Variants in NOD2 observed in about 807,000 individuals in gnomAD.
The protein encoded by NOD2 is nucleotide-binding oligomerization domain-containing protein 2.
A neutral mutation model predicts 90.9 loss-of-function variants in NOD2; 86 were observed. The ratio of observed to expected loss-of-function variants is 0.95; its 90% CI spans 0.79 to 1.13. The LOEUF (loss-of-function observed/expected upper bound fraction) is 1.13, where lower values mean the gene tolerates loss of function less well. NOD2 is among the 50% of genes most tolerant of loss of function. The pLI is 0.00. For missense variants in NOD2, 1,238 were observed against 1,283.8 expected, an observed-to-expected ratio of 0.96 and a Z score of 0.55; for synonymous variants, 581 against 554.6, an observed-to-expected ratio of 1.05 and a Z score of -0.67.
rs780204985 is a variant in NOD2, at chr16:50,699,574, G to C, written c.79G>C (p.Glu27Gln). The C allele has an allele frequency of 1.2e-6, 2 of 1,614,028 alleles. No individual in the cohort carries two copies. The highest frequency in any genetic ancestry group is 1.7e-6 in the Non-Finnish European group (2 of 1,179,970). ...LLVSGSLEGFESVLDWLLSWE... is the reference protein window; with the variant it reads ...LLVSGSLEGFQSVLDWLLSWE... ...GGTCTCAGGGTCCCTGGAAGGCTTC[G>C]AGAGTGTCCTGGACTGGCTGCTGTC... is the stretch of plus-strand genomic sequence containing the variant. The change falls in exon 2 of 12, where the codon GAG (glutamate) becomes CAG (glutamine). Residue 27 changes from glutamate to glutamine, a missense_variant. Transcript: ENST00000647318.
In NOD2 at chr16:50,700,962, A is replaced by G. The variant is rs140414374; in HGVS notation, c.459+1008A>G. On this transcript the variant is annotated intron_variant, in intron 2 of 11. Coordinates refer to ENST00000647318, the MANE Select transcript of NOD2 (RefSeq NM_001370466.1). Reference sequence around the variant, plus strand: ...AAGGTCAGAGAAATGACCACTGAGTATTTTTGAAACTCTTTTGTTTTCTTC... The same window carrying G: ...AAGGTCAGAGAAATGACCACTGAGTGTTTTTGAAACTCTTTTGTTTTCTTC... 4.5e-4 allele frequency among the ~76,000 whole-genome samples: 69 copies of G among 152,336 alleles called. No homozygotes were observed. The East Asian group carries it at 0.012, about 27-fold the overall frequency.
At chr16:50,694,118 C>G in intron 1 of NOD2, among the ~76,000 whole-genome samples, 1 of 152,168 alleles carries the variant, frequency 6.6e-6, no homozygotes, top group East Asian at 1.9e-4. Context: ...TGTTTGCTCT[C>G]CTATGCTTCT....
intron 1 of NOD2, among the ~76,000 whole-genome samples, chr16:50,695,965 G>A (rs1963627572): frequency 1.3e-5 from 2 of 152,140 alleles, no homozygotes; most frequent in Admixed American, 6.5e-5. Context: ...ATGAAGAAGG[G>A]GAGTGTCAAG....
chr16:50,714,699 G>GT (rs1191754412), intron 4 of NOD2, among the ~76,000 whole-genome samples: 2 of 151,118 alleles, frequency 1.3e-5, no homozygotes, highest in African/African-American at 4.9e-5. Flanking sequence ...GGAGGGCACA[G>GT]GCTCCTCTCC....
In NOD2 at chr16:50,707,921, G is replaced by A. The variant is rs369764782; in HGVS notation, c.526G>A (p.Val176Ile). 6.2e-7 allele frequency: 1 copy of A among 1,614,066 alleles called. No homozygotes were observed. Among genetic ancestry groups the A allele is most frequent in the South Asian group, 1.1e-5 (1 of 91,082 alleles). Residue 176 changes from valine to isoleucine, a missense_variant, in exon 3 of 12, where the codon GTT becomes ATT. Around this residue, in one of 3 missense-constraint regions of NOD2, gnomAD observed 567 missense variants for 577.3 expected, o/e 0.98. Coordinates refer to ENST00000647318, the MANE Select transcript of NOD2 (RefSeq NM_001370466.1). Reference protein sequence around the residue: ...NGLAAFLLQHVQELPVPLALP... With the variant: ...NGLAAFLLQHIQELPVPLALP... ...ATTGGCTGCCTTCCTTCTACAACAT[G>A]TTCAGGAATTACCAGTCCCATTGGC... is the stretch of plus-strand genomic sequence containing the variant.
rs941211966 is a variant in NOD2, at chr16:50,716,788, G to T, written c.2466-103G>T. On this transcript the variant is annotated intron_variant, in intron 5 of 11. Coordinates refer to ENST00000647318, the MANE Select transcript of NOD2 (RefSeq NM_001370466.1). Reference sequence around the variant, plus strand: ...GCAGGGGCTGTTTGCATGATGGGGGGTGCAGGTGATTCCTGCCCAGAGGGG... The same window carrying T: ...GCAGGGGCTGTTTGCATGATGGGGGTTGCAGGTGATTCCTGCCCAGAGGGG... 7.6e-6 allele frequency: 11 copies of T among 1,452,394 alleles called. No homozygotes were observed. In the African/African-American group the frequency reaches 1.3e-4, roughly 17 times the overall value. The allele number at this position is 1,452,394 out of a possible 1,614,324, so 90.0% of individuals were successfully genotyped here. A position where few individuals can be genotyped will look rare whatever the true frequency, so the allele number is the denominator to read the frequency against.
Position 50,714,710 on chromosome 16 carries a change from C to T in NOD2, c.2382-1877C>T, listed in dbSNP as rs144798502. Among the ~76,000 whole-genome samples the T allele has an allele frequency of 4.9e-4, 75 of 151,862 alleles. No homozygotes were observed. In the East Asian group the frequency reaches 0.014, roughly 28 times the overall value. Reference sequence around the variant, plus strand: ...AGGGGGAGGGCACAGGCTCCTCTCCCACAGTGCCAACCTGCCTCTCTCCCA... The same window carrying T: ...AGGGGGAGGGCACAGGCTCCTCTCCTACAGTGCCAACCTGCCTCTCTCCCA... On this transcript the variant is annotated intron_variant, in intron 4 of 11. Coordinates refer to ENST00000647318, the MANE Select transcript of NOD2 (RefSeq NM_001370466.1).
At chr16:50,698,856 A>G (rs926550514) in intron 1 of NOD2, among the ~76,000 whole-genome samples, 1 of 152,106 alleles carries the variant, frequency 6.6e-6, no homozygotes, top group South Asian at 2.1e-4. Flanking sequence ...CCAGCATGAA[A>G]GAGCCCCTCT....
At chr16:50,728,361 G>T in intron 10 of NOD2, 1 of 370,434 alleles carries the variant, frequency 2.7e-6, no homozygotes, top group South Asian at 2.2e-5. Context: ...TGCTGATGTT[G>T]TGAGTTGTCT....
intron 10 of NOD2, among the ~76,000 whole-genome samples, chr16:50,725,937 T>C (rs1965249305): frequency 6.6e-6 from 1 of 152,190 alleles, no homozygotes; most frequent in Admixed American, 6.5e-5. Flanking sequence ...CCATGGCATT[T>C]ATCCACCAAC....
chr16:50,720,665 C>T (rs1965013980), intron 7 of NOD2, among the ~76,000 whole-genome samples: 1 of 152,196 alleles, frequency 6.6e-6, no homozygotes, highest in Non-Finnish European at 1.5e-5. Flanking sequence ...TCCTGTCATG[C>T]CCTAGTGTGA....
intron 9 of NOD2, among the ~76,000 whole-genome samples, chr16:50,723,877 A>ACTGCTG (rs912535842): frequency 6.6e-6 from 1 of 151,942 alleles, no homozygotes; most frequent in Non-Finnish European, 1.5e-5. Flanking sequence ...TACTACTATT[A>ACTGCTG]CTGCTGCTGC....
Position 50,722,629 on chromosome 16 carries a change from G to T in NOD2, c.2641G>T (p.Gly881Cys), listed in dbSNP as rs2066845. 189 of 1,614,038 alleles carry T rather than the reference G, an allele frequency of 1.2e-4. No homozygotes were observed. Among genetic ancestry groups the T allele is most frequent in the Middle Eastern group, 3.3e-4 (2 of 6,084 alleles). The change falls in exon 8 of 12, where the codon GGC becomes TGC. Residue 881 changes from glycine (G) to cysteine (C), a missense_variant. This residue lies in a region of NOD2 where 667 missense variants were observed against 688.7 expected (regional missense o/e 0.97). Coordinates refer to ENST00000647318, the MANE Select transcript of NOD2 (RefSeq NM_001370466.1). ...NTSLQFLGFW[G>C]NRVGDEGAQA... is the part of the protein sequence containing the mutation. ...CTCTTTTGGCCTTTTCAGATTCTGG[G>T]GCAACAGAGTGGGTGACGAGGGGGC...
In NOD2 at chr16:50,731,509, C is replaced by G. The variant is rs547469146; in HGVS notation, c.2970-238C>G. Among the ~76,000 whole-genome samples the G allele has an allele frequency of 2.5e-3, 376 of 152,268 alleles. 5 individuals carry two copies. Among genetic ancestry groups the G allele is most frequent in the African/African-American group, 8.5e-3 (354 of 41,550 alleles). ...CTGGCCTTGGGGAGTCTGTGGCTGG[C>G]TGGGTGCAGTGTTGTGGACTCTCTC... On this transcript the variant is annotated intron_variant, in intron 11 of 11. Coordinates refer to ENST00000647318, the MANE Select transcript of NOD2 (RefSeq NM_001370466.1).
intron 4 of NOD2, among the ~76,000 whole-genome samples, chr16:50,714,406 A>G (rs1964684772): frequency 6.6e-6 from 1 of 151,996 alleles, no homozygotes; most frequent in Admixed American, 6.5e-5. Context: ...GGAAATCTAT[A>G]TTTTTCACAG....
intron 1 of NOD2, chr16:50,698,116 G>A (rs967920768): frequency 4.6e-5 from 7 of 152,550 alleles, no homozygotes; most frequent in African/African-American, 1.4e-4. Context: ...AGAAGCTGAC[G>A]GCCCTCTTTG....
chr16:50,721,051 C>A (rs929549355), intron 7 of NOD2, among the ~76,000 whole-genome samples: 1 of 151,668 alleles, frequency 6.6e-6, no homozygotes, highest in African/African-American at 2.4e-5. Flanking sequence ...ATGATCCGCC[C>A]GCCTCGGCCT....
intron 4 of NOD2, 86 bp from the exon 5 acceptor site, chr16:50,716,501 T>C (rs1964798930): frequency 1.6e-6 from 2 of 1,267,690 alleles, no homozygotes; most frequent in African/African-American, 2.9e-5. Context: ...ACTTCAGGGA[T>C]GAATGAAAGT....
intron 4 of NOD2, among the ~76,000 whole-genome samples, chr16:50,714,491 C>T (rs892811115): frequency 2.0e-5 from 3 of 152,108 alleles, no homozygotes; most frequent in Admixed American, 6.5e-5. Context: ...GCTTGGTTTT[C>T]CATTAGCAAT....
Sources: gnomAD v4.1 joint callset for allele counts (sites outside exome capture counted in the v4.1 genomes callset) on GRCh38, gnomAD v4.1.1 for gene constraint, gnomAD v4.1.1 regional missense constraint, MANE v1.5 for transcripts, NCBI Gene and HGNC (gene_info 2026-07-23, HGNC 2026-07-21) for gene names.